GABBR1: variants seen among roughly 807,000 people sequenced by gnomAD.
The protein encoded by GABBR1 is GABA-B receptor, R1 subunit.
In GABBR1, 35 loss-of-function variants were observed where a neutral mutation model predicts 117.7. The ratio of observed to expected loss-of-function variants is 0.30; its 90% CI spans 0.23 to 0.39. The LOEUF (loss-of-function observed/expected upper bound fraction) is 0.39. Among genes scored for constraint, GABBR1 ranks in the 10% least tolerant of loss-of-function variants. GABBR1 has a pLI of 1.00. For missense variants in GABBR1, 709 were observed against 1,241.8 expected, an observed-to-expected ratio of 0.57 and a Z score of 6.45; for synonymous variants, 442 against 486.6, an observed-to-expected ratio of 0.91 and a Z score of 1.21.
chr6:29,632,507 G>T lies in GABBR1; in HGVS notation c.1-122C>A. 1.0e-6 allele frequency: 1 copy of T among 993,358 alleles called. No homozygotes were observed. Among genetic ancestry groups the T allele is most frequent in the Non-Finnish European group, 1.4e-6 (1 of 724,330 alleles). 61.5% of individuals were successfully genotyped at this position (993,358 alleles called of 1,614,324 possible). On this transcript the variant is annotated intron_variant, in intron 1 of 22. Transcript: ENST00000377034. The surrounding 1 kb of genome is among the most constrained non-coding windows in gnomAD (Gnocchi z 5.8). ...CGACCGGGCTCAGCCTGGGGACCAA[G>T]AGAGCGCCCCGCGGAGGAGGCGGGG...
intron 15 of GABBR1, among the ~76,000 whole-genome samples, 197 bp from the exon 16 acceptor site, chr6:29,608,930 G>A (rs777680256): frequency 1.3e-5 from 2 of 152,184 alleles, no homozygotes; most frequent in South Asian, 4.1e-4. Context: ...GAGTTGCAGA[G>A]GGCTTCCCAA....
Position 29,621,959 on chromosome 6 carries a change from T to A in GABBR1, c.1066-142A>T. ...CAACGTATAGTGAATAAACGTCAACTGGAAGATGGAGCTAAACTTCCCCAG... is the reference window on the plus strand; with the variant it reads ...CAACGTATAGTGAATAAACGTCAACAGGAAGATGGAGCTAAACTTCCCCAG... On this transcript the variant is annotated intron_variant, in intron 9 of 22. Transcript: ENST00000377034. This position sits in a 1 kb window ranked among gnomAD's most constrained non-coding sequence, Gnocchi z 5.0. 2.9e-6 allele frequency: 3 copies of A among 1,036,312 alleles called. No individual in the cohort carries two copies. Among genetic ancestry groups the A allele is most frequent in the Non-Finnish European group, 4.4e-6 (3 of 683,576 alleles). 64.2% of individuals were successfully genotyped at this position (1,036,312 alleles called of 1,614,324 possible).
Position 29,622,339 on chromosome 6 carries a change from C to T in GABBR1, c.964-134G>A, listed in dbSNP as rs1763840286. 7.6e-6 allele frequency: 5 copies of T among 657,978 alleles called. No homozygotes were observed. In the East Asian group the frequency reaches 8.1e-5, roughly 11 times the overall value. The allele number at this position is 657,978 out of a possible 1,614,324, so 40.8% of individuals were successfully genotyped here. A position where few individuals can be genotyped will look rare whatever the true frequency, so the allele number is the denominator to read the frequency against. ...GCAGCCATTCTGAACCTTCCTTCAA[C>T]AGCTTCTGTCCCTGAAGTGAGGAGT... On this transcript the variant is annotated intron_variant, in intron 8 of 22. Coordinates refer to ENST00000377034, the MANE Select transcript of GABBR1 (RefSeq NM_001470.4). The surrounding 1 kb of genome is among the most constrained non-coding windows in gnomAD (Gnocchi z 4.6).
intron 11 of GABBR1, among the ~76,000 whole-genome samples, chr6:29,615,610 A>T (rs1189265286): frequency 2.6e-5 from 3 of 113,458 alleles, no homozygotes; most frequent in Non-Finnish European, 5.5e-5. Context: ...CTCTGCCTTT[A>T]AAAAAAAAAA....
chr6:29,628,000 C>T lies in GABBR1; in HGVS notation c.497-354G>A. The T allele has an allele frequency of 7.6e-7, 1 of 1,321,018 alleles. No homozygotes were observed. Among genetic ancestry groups the T allele is most frequent in the Non-Finnish European group, 9.6e-7 (1 of 1,043,414 alleles). The allele number at this position is 1,321,018 out of a possible 1,614,324, so 81.8% of individuals were successfully genotyped here. A position where few individuals can be genotyped will look rare whatever the true frequency, so the allele number is the denominator to read the frequency against. On this transcript the variant is annotated intron_variant, in intron 5 of 22. Transcript: ENST00000377034. This position sits in a 1 kb window ranked among gnomAD's most constrained non-coding sequence, Gnocchi z 4.4. ...ACCGTCGCCGCCACCGCGGACTCTC[C>T]TCGCGGACTGACTGACCGACGGAGG...
chr6:29,603,555 CA>C lies in GABBR1; in HGVS notation c.2873del (p.Leu958CysfsTer213). 1 of 1,580,202 alleles carries C rather than the reference CA, an allele frequency of 6.3e-7. No homozygotes were observed. On this transcript the variant is annotated frameshift_variant, in exon 23 of 23. Coordinates refer to ENST00000377034, the MANE Select transcript of GABBR1 (RefSeq NM_001470.4). LOFTEE classifies it high-confidence loss of function. ...CCTCACCCTACCCTCACTTATAAAGCAAATGCACTCGACTCCCATCACAGCT... is the reference window on the plus strand; with the variant it reads ...CCTCACCCTACCCTCACTTATAAAGCAATGCACTCGACTCCCATCACAGCT... ...RLSCDGSRVH[L>X]LYK
intron 6 of GABBR1, 112 bp from the exon 7 acceptor site, chr6:29,624,136 C>T (rs1479979701): frequency 7.5e-6 from 8 of 1,069,442 alleles, no homozygotes; most frequent in Non-Finnish European, 1.0e-5. Flanking sequence ...TACTCACTTT[C>T]ATCATTAATT....
In GABBR1 at chr6:29,623,561, CCT is replaced by C; in HGVS notation, c.793-88_793-87del. The C allele has an allele frequency of 7.4e-7, 1 of 1,356,500 alleles. No homozygotes were observed. Among genetic ancestry groups the C allele is most frequent in the Non-Finnish European group, 1.0e-6 (1 of 982,606 alleles). The allele number at this position is 1,356,500 out of a possible 1,614,324, so 84.0% of individuals were successfully genotyped here. A position where few individuals can be genotyped will look rare whatever the true frequency, so the allele number is the denominator to read the frequency against. ...AAGAGTTCCTTTAACCCTCTTCCTGCCTTTGGGTTTCTCTTCCTTACTCTCTC... is the reference window on the plus strand; with the variant it reads ...AAGAGTTCCTTTAACCCTCTTCCTGCTTGGGTTTCTCTTCCTTACTCTCTC... On this transcript the variant is annotated intron_variant, in intron 7 of 22. Coordinates refer to ENST00000377034, the MANE Select transcript of GABBR1 (RefSeq NM_001470.4). This position sits in a 1 kb window ranked among gnomAD's most constrained non-coding sequence, Gnocchi z 6.2.
At chr6:29,618,423 G>T (rs1272285265) in intron 11 of GABBR1, among the ~76,000 whole-genome samples, 1 of 152,190 alleles carries the variant, frequency 6.6e-6, no homozygotes, top group African/African-American at 2.4e-5. Context: ...ACTCTACTCT[G>T]CAGCTTAAGG....
In GABBR1 at chr6:29,627,455, A is replaced by ACCCCCCC; in HGVS notation, c.657+30_657+31insGGGGGGG. The ACCCCCCC allele has an allele frequency of 4.4e-5, 15 of 341,698 alleles. No homozygotes were observed. The highest frequency in any genetic ancestry group is 1.7e-4 in the South Asian group (5 of 29,142). 21.2% of individuals were successfully genotyped at this position (341,698 alleles called of 1,614,324 possible). A position where few individuals can be genotyped will look rare whatever the true frequency, so the allele number is the denominator to read the frequency against. On this transcript the variant is annotated intron_variant, in intron 6 of 22. Coordinates refer to ENST00000377034, the MANE Select transcript of GABBR1 (RefSeq NM_001470.4). This position sits in a 1 kb window ranked among gnomAD's most constrained non-coding sequence, Gnocchi z 4.4. ...CTGGCCCCCTGCCCCGCAAGCCCCCACCTCCCACCCACCCCCATGTCCAGG... is the reference window on the plus strand; with the variant it reads ...CTGGCCCCCTGCCCCGCAAGCCCCCACCCCCCCCCTCCCACCCACCCCCATGTCCAGG...
At position 29,606,453 on chromosome 6, in the gene GABBR1, A is replaced by G; in HGVS notation, c.2249T>C (p.Ile750Thr). 1 of 1,612,882 alleles carries G rather than the reference A, an allele frequency of 6.2e-7. No homozygotes were observed. The highest frequency in any genetic ancestry group is 8.5e-7 in the Non-Finnish European group (1 of 1,179,738). ...CAGCTGGGGCAGAATAGAGACGTCA[A>G]TATCTTCCTTAGGTTCCTCCTTGGC... ...TFAKEEPKED[I>T]DVSILPQLEH... The change falls in exon 19 of 23, where the codon ATT (isoleucine) becomes ACT (threonine). Residue 750 changes from isoleucine to threonine, a missense_variant. Physicochemically the swap from Ile to Thr is moderately conservative, Grantham distance 89. Transcript: ENST00000377034. The surrounding 1 kb of genome is among the most constrained non-coding windows in gnomAD (Gnocchi z 4.5).
rs1761735288 is a variant in GABBR1, at chr6:29,604,444, C to A, written c.2712+50G>T. ...GCTTCAGACAACCCAAGCTAAGACGCAAGCCTCCTGGACCACTCCAACACC... is the reference window on the plus strand; with the variant it reads ...GCTTCAGACAACCCAAGCTAAGACGAAAGCCTCCTGGACCACTCCAACACC... On this transcript the variant is annotated intron_variant, in intron 22 of 22. Transcript: ENST00000377034. This position sits in a 1 kb window ranked among gnomAD's most constrained non-coding sequence, Gnocchi z 5.3. The A allele has an allele frequency of 6.2e-7, 1 of 1,610,136 alleles. No individual in the cohort carries two copies.
At chr6:29,629,273 G>C (rs914009965) in intron 4 of GABBR1, 166 bp from the exon 5 acceptor site, 2 of 745,012 alleles carry the variant, frequency 2.7e-6, no homozygotes, top group Admixed American at 2.0e-5. Flanking sequence ...AGGTGGGTCT[G>C]GGGGTAAGGG....
chr6:29,626,462 T>A (rs1764279223), intron 6 of GABBR1, among the ~76,000 whole-genome samples: 1 of 151,992 alleles, frequency 6.6e-6, no homozygotes, highest in Non-Finnish European at 1.5e-5. Context: ...CTGTGTCACA[T>A]CCTTCCCTGC....
rs1762544567 is a variant in GABBR1 at position 29,611,645 on chromosome 6, A to G, written c.1631-644T>C. Reference sequence around the variant, plus strand: ...TGAAAGGATGTGGAGGTGGGGAGAAAGGAAGAAAGAAACTTTTCACAGGAG... The same window carrying G: ...TGAAAGGATGTGGAGGTGGGGAGAAGGGAAGAAAGAAACTTTTCACAGGAG... On this transcript the variant is annotated intron_variant, in intron 13 of 22. Transcript: ENST00000377034. The surrounding 1 kb of genome is among the most constrained non-coding windows in gnomAD (Gnocchi z 4.6). Among the ~76,000 whole-genome samples, 1 of 152,200 alleles carries G rather than the reference A, an allele frequency of 6.6e-6. No individual in the cohort carries two copies. The highest frequency in any genetic ancestry group is 1.5e-5 in the Non-Finnish European group (1 of 68,026).
Position 29,623,206 on chromosome 6 carries a change from G to C in GABBR1, c.963+99C>G, listed in dbSNP as rs1213844323. The C allele has an allele frequency of 5.7e-6, 6 of 1,059,166 alleles. No homozygotes were observed. The highest frequency in any genetic ancestry group is 8.3e-6 in the Non-Finnish European group (6 of 724,240). 65.6% of individuals were successfully genotyped at this position (1,059,166 alleles called of 1,614,324 possible). A position where few individuals can be genotyped will look rare whatever the true frequency, so the allele number is the denominator to read the frequency against. ...ATGGAATGCGTTCTCTTTCAATGAA[G>C]AATCAAGTTCTTGCCCCTAAAAGTG... On this transcript the variant is annotated intron_variant, in intron 8 of 22. Transcript: ENST00000377034. The surrounding 1 kb of genome is among the most constrained non-coding windows in gnomAD (Gnocchi z 6.2).
Position 29,607,691 on chromosome 6 carries a change from T to A in GABBR1, c.1993-473A>T, listed in dbSNP as rs1762106075. ...TTTTCTAGCCACACGATGCTCCCTA[T>A]GCCCCTGAAGTAGCCTTCCTCTATT... On this transcript the variant is annotated intron_variant, in intron 16 of 22. Coordinates refer to ENST00000377034, the MANE Select transcript of GABBR1 (RefSeq NM_001470.4). This position sits in a 1 kb window ranked among gnomAD's most constrained non-coding sequence, Gnocchi z 5.0. Among the ~76,000 whole-genome samples, 1 of 152,224 alleles carries A rather than the reference T, an allele frequency of 6.6e-6. No homozygotes were observed. The highest frequency in any genetic ancestry group is 1.5e-5 in the Non-Finnish European group (1 of 68,042).
rs894740643 is a variant in GABBR1 at position 29,606,073 on chromosome 6, A to T, written c.2311+318T>A. The T allele has an allele frequency of 1.9e-6, 1 of 529,146 alleles. No homozygotes were observed. The highest frequency in any genetic ancestry group is 3.4e-6 in the Non-Finnish European group (1 of 297,868). The allele number at this position is 529,146 out of a possible 1,614,324, so 32.8% of individuals were successfully genotyped here. A position where few individuals can be genotyped will look rare whatever the true frequency, so the allele number is the denominator to read the frequency against. ...TGCAATTTGTGACCATGAATCGAAC[A>T]ATGCTAATAAGGCCAAGGGGGATCT... On this transcript the variant is annotated intron_variant, in intron 19 of 22. Transcript: ENST00000377034. This position sits in a 1 kb window ranked among gnomAD's most constrained non-coding sequence, Gnocchi z 4.5.
At position 29,622,967 on chromosome 6, in the gene GABBR1, C is replaced by T. The variant is rs1466694442; in HGVS notation, c.963+338G>A. On this transcript the variant is annotated intron_variant, in intron 8 of 22. Coordinates refer to ENST00000377034, the MANE Select transcript of GABBR1 (RefSeq NM_001470.4). This position sits in a 1 kb window ranked among gnomAD's most constrained non-coding sequence, Gnocchi z 4.6. The stretch of plus-strand genomic sequence containing the variant: ...CCTTGAAAGCCTCTGGAATCTGCTG[C>T]CTTCCTGGATTCCTATCTCATCTTC... 1.3e-5 allele frequency among the ~76,000 whole-genome samples: 2 copies of T among 151,746 alleles called. No individual in the cohort carries two copies. The highest frequency in any genetic ancestry group is 2.9e-5 in the Non-Finnish European group (2 of 67,938).
Sources: gnomAD v4.1 joint callset for allele counts (sites outside exome capture counted in the v4.1 genomes callset) on GRCh38, gnomAD v4.1.1 for gene constraint, Gnocchi (gnomAD v3.1) non-coding constraint, MANE v1.5 for transcripts, NCBI Gene and HGNC (gene_info 2026-07-23, HGNC 2026-07-21) for gene names.